The following H2AC8 variants were observed in gnomAD, a reference collection of about 807,000 sequenced individuals.
H2AC8 encodes the protein histone H2A type 1-B/E.
In H2AC8, 9 loss-of-function variants were observed where a neutral mutation model predicts 6.3. The ratio of observed to expected loss-of-function variants is 1.43; its 90% CI spans 0.86 to 2.49. The LOEUF is 2.49. Ranked by LOEUF, H2AC8 falls within the 30% of genes most tolerant of loss-of-function variation. H2AC8 has a pLI of 0.00. For synonymous variants in H2AC8, 176 were observed against 79.6 expected, an observed-to-expected ratio of 2.21 and a Z score of -6.45; for missense variants, 141 against 177.5, an observed-to-expected ratio of 0.79 and a Z score of 1.17.
exon 1 of H2AC8, chr6:26,217,034 C>G: frequency 6.2e-7 from 1 of 1,614,198 alleles, no homozygotes; most frequent in East Asian, 2.2e-5. Flanking sequence ...CGCGTTCTTC[C>G]AGGGCCGGTC....
At chr6:26,217,058 T>C (rs770088115) in exon 1 of H2AC8, 1 of 1,614,182 alleles carries the variant, frequency 6.2e-7, no homozygotes, top group South Asian at 1.1e-5. Flanking sequence ...AGTTTCCAGT[T>C]GGCCGTGTGC....
chr6:26,217,379 G>T (rs374669397), exon 1 of H2AC8: 1 of 1,603,354 alleles, frequency 6.2e-7, no homozygotes, highest in Non-Finnish European at 8.5e-7. Flanking sequence ...ATGATTACTA[G>T]TCAAATCCGT....
At chr6:26,217,094 C>T (rs758613478) in exon 1 of H2AC8, 191 of 1,614,098 alleles carry the variant, frequency 1.2e-4, no homozygotes, top group Admixed American at 1.5e-4. Flanking sequence ...AAGGCAACTA[C>T]TCCGAACGAG....
exon 1 of H2AC8, chr6:26,217,056 G>C: frequency 5.6e-6 from 9 of 1,614,210 alleles, no homozygotes; most frequent in Non-Finnish European, 7.6e-6. Flanking sequence ...TCAGTTTCCA[G>C]TTGGCCGTGT....
chr6:26,216,950 G>A (rs774553970), upstream of H2AC8: 19 of 1,613,206 alleles, frequency 1.2e-5, no homozygotes, highest in Non-Finnish European at 1.4e-5. Flanking sequence ...TGGATTGTTA[G>A]TTCTTCTGCT....
At position 26,217,090 on chromosome 6, in the gene H2AC8, A is replaced by G. The variant is rs961328184; in HGVS notation, c.116A>G (p.Asn39Ser). The change falls in exon 1 of 1, where the codon AAC (asparagine) becomes AGC (serine). Residue 39 changes from asparagine to serine, a missense_variant. Transcript: ENST00000303910. The stretch of plus-strand genomic sequence containing the variant: ...GTGCACCGCCTCCTCCGCAAAGGCA[A>G]CTACTCCGAACGAGTCGGGGCCGGC... 6.2e-7 allele frequency: 1 copy of G among 1,614,080 alleles called. No individual in the cohort carries two copies. The highest frequency in any genetic ancestry group is 1.7e-5 in the Admixed American group (1 of 60,000).
exon 1 of H2AC8, chr6:26,217,433 A>C: frequency 6.5e-7 from 1 of 1,527,990 alleles, no homozygotes; most frequent in Non-Finnish European, 8.9e-7. Context: ...TTTCAGAGCC[A>C]CCCACCTTTT....
upstream of H2AC8, chr6:26,216,958 G>C: frequency 6.2e-7 from 1 of 1,613,714 alleles, no homozygotes. Context: ...TAGTTCTTCT[G>C]CTGTTAGGAA....
In H2AC8 at chr6:26,217,124, G is replaced by A. The variant is rs371194768; in HGVS notation, c.150G>A (p.Val50=). ...AACGAGTCGGGGCCGGCGCTCCAGT[G>A]TACCTGGCAGCGGTGCTGGAATATC... The change falls in exon 1 of 1, where the codon GTG becomes GTA. Residue 50 remains valine (V), a synonymous_variant. Transcript: ENST00000303910. 8 of 1,614,076 alleles carry A rather than the reference G, an allele frequency of 5.0e-6. No homozygotes were observed. The Admixed American group carries it at 5.0e-5, about 10-fold the overall frequency.
At chr6:26,217,000 G>A (rs1490615200) in exon 1 of H2AC8, 1 of 1,614,076 alleles carries the variant, frequency 6.2e-7, no homozygotes, top group Non-Finnish European at 8.5e-7. Flanking sequence ...AAGCAAGGCG[G>A]CAAAGCTCGG....
At chr6:26,217,020 A>C in exon 1 of H2AC8, 1 of 1,614,216 alleles carries the variant, frequency 6.2e-7, no homozygotes. Flanking sequence ...GGCAAAAGCT[A>C]AAACGCGTTC....
exon 1 of H2AC8, chr6:26,217,415 A>C (rs1453943506): frequency 6.3e-7 from 1 of 1,585,016 alleles, no homozygotes; most frequent in African/African-American, 1.4e-5. Flanking sequence ...CCAGAAACCA[A>C]AGGCTCTTTT....
exon 1 of H2AC8, chr6:26,217,322 G>A (rs1433442309): frequency 8.7e-6 from 14 of 1,614,192 alleles, no homozygotes; most frequent in Admixed American, 5.0e-5. Context: ...AGGCCGTATT[G>A]CTGCCTAAGA....
chr6:26,217,238 C>A (rs200606832), exon 1 of H2AC8: 2 of 1,614,228 alleles, frequency 1.2e-6, no homozygotes, highest in Non-Finnish European at 1.7e-6. Context: ...AGCTAGCCAT[C>A]CGCAACGACG....
chr6:26,216,973 C>T (rs762380528), upstream of H2AC8: 31 of 1,613,984 alleles, frequency 1.9e-5, no homozygotes, highest in Non-Finnish European at 2.4e-5. Flanking sequence ...TAGGAAGCCA[C>T]TATGTCTGGA....
chr6:26,217,325 G>C, exon 1 of H2AC8: 2 of 1,614,184 alleles, frequency 1.2e-6, no homozygotes, highest in Non-Finnish European at 1.7e-6. Context: ...CCGTATTGCT[G>C]CCTAAGAAGA....
upstream of H2AC8, chr6:26,216,969 G>A (rs576860709): frequency 5.9e-5 from 95 of 1,614,066 alleles, no homozygotes; most frequent in East Asian, 1.8e-3. Context: ...CTGTTAGGAA[G>A]CCACTATGTC....
At chr6:26,217,361 C>T (rs1581462558) in exon 1 of H2AC8, 5 of 1,612,334 alleles carry the variant, frequency 3.1e-6, no homozygotes, top group Non-Finnish European at 4.2e-6. Flanking sequence ...AGGCCAAGGG[C>T]AAGTGAAATG....
upstream of H2AC8, chr6:26,216,946 G>T (rs769603634): frequency 1.2e-6 from 2 of 1,612,518 alleles, no homozygotes; most frequent in Non-Finnish European, 1.7e-6. Context: ...TCAGTGGATT[G>T]TTAGTTCTTC....
Sources: gnomAD v4.1 joint callset for allele counts on GRCh38, gnomAD v4.1.1 for gene constraint, MANE v1.5 for transcripts, NCBI Gene and HGNC (gene_info 2026-07-23, HGNC 2026-07-21) for gene names.